NARF: variants seen among roughly 807,000 people sequenced by gnomAD.
NARF encodes nuclear prelamin A recognition factor, also known as iron-only hydrogenase-like protein 2.
NARF carries 41 observed loss-of-function variants against 48.0 expected under a neutral mutation model. The observed-to-expected ratio is 0.85, with a 90% CI of 0.66 to 1.11. The LOEUF (loss-of-function observed/expected upper bound fraction) is 1.11, where lower values mean the gene tolerates loss of function less well. Among genes scored for constraint, NARF ranks in the 50% least tolerant of loss-of-function variants. The probability of loss-of-function intolerance (pLI) is 0.00; values close to 1 mark genes in which losing one functional copy is unlikely to be tolerated. For missense variants in NARF, 613 were observed against 590.2 expected, an observed-to-expected ratio of 1.04 and a Z score of -0.40; for synonymous variants, 215 against 225.5, an observed-to-expected ratio of 0.95 and a Z score of 0.42.
At chr17:82,486,398 G>A (rs1263513982) in intron 10 of NARF, among the ~76,000 whole-genome samples, 1 of 152,188 alleles carries the variant, frequency 6.6e-6, no homozygotes, top group Non-Finnish European at 1.5e-5. Flanking sequence ...AGTTGGAGGA[G>A]CGGCTCCACT....
chr17:82,459,277 C>T (rs995790669), intron 1 of NARF: 2 of 722,680 alleles, frequency 2.8e-6, no homozygotes, highest in Non-Finnish European at 3.4e-6. Flanking sequence ...GTCTCCAGGC[C>T]ATGGCAACAA....
At chr17:82,483,440 A>G (rs962753062) in intron 7 of NARF, 1 of 400,072 alleles carries the variant, frequency 2.5e-6, no homozygotes, top group Non-Finnish European at 4.6e-6. Context: ...GATTTTCCAC[A>G]TGGGAAAATC....
In NARF at chr17:82,488,293, C is replaced by CACTTAAGAAAA; in HGVS notation, c.*136_*137insACTTAAGAAAA. 2.2e-5 allele frequency: 30 copies of CACTTAAGAAAA among 1,348,356 alleles called. No individual in the cohort carries two copies. The highest frequency in any genetic ancestry group is 2.9e-5 in the Non-Finnish European group (30 of 1,017,014). The allele number at this position is 1,348,356 out of a possible 1,614,324, so 83.5% of individuals were successfully genotyped here. ...TGGATTACTTTGGTTTCTCCGAGTT[C>CACTTAAGAAAA]CCTGCTACCCCGTTTATTGGAGGCC... On this transcript the variant is annotated 3_prime_UTR_variant, in exon 11 of 11. Coordinates refer to ENST00000309794, the MANE Select transcript of NARF (RefSeq NM_012336.4).
intron 5 of NARF, 88 bp from the exon 6 acceptor site, chr17:82,478,712 A>T: frequency 7.6e-7 from 1 of 1,318,494 alleles, no homozygotes; most frequent in Non-Finnish European, 1.1e-6. Flanking sequence ...CTGGGGCGGC[A>T]GGGACTCGAG....
chr17:82,471,731 G>A (rs2043711564), intron 4 of NARF, among the ~76,000 whole-genome samples: 1 of 140,474 alleles, frequency 7.1e-6, no homozygotes, highest in Non-Finnish European at 1.5e-5. Flanking sequence ...GGCGGAGCTT[G>A]CAGTGAGCCG....
intron 7 of NARF, chr17:82,482,883 C>T (rs549114361): frequency 1.3e-5 from 2 of 152,076 alleles, no homozygotes; most frequent in East Asian, 3.9e-4. Flanking sequence ...ACCTCCGCGC[C>T]TCCTAGGATC....
Position 82,484,935 on chromosome 17 carries a change from C to T in NARF, c.956C>T (p.Thr319Ile). 6.2e-7 allele frequency: 1 copy of T among 1,610,080 alleles called. No homozygotes were observed. The highest frequency in any genetic ancestry group is 8.5e-7 in the Non-Finnish European group (1 of 1,177,914). Reference protein sequence around the residue: ...ELFNEDVEEVTYRALRNKDFQ... With the variant: ...ELFNEDVEEVIYRALRNKDFQ... ...TTCAACGAGGATGTGGAGGAGGTCA[C>T]TTACCGAGCCCTGAGGTGTGGGGCA... Residue 319 changes from threonine (T) to isoleucine (I), a missense_variant, in exon 9 of 11, where the codon ACT (threonine) becomes ATT (isoleucine). Thr to Ile is a moderately conservative substitution (Grantham distance 89, BLOSUM62 -1). Transcript: ENST00000309794.
upstream of NARF, chr17:82,458,682 T>C: frequency 7.8e-7 from 1 of 1,283,486 alleles, no homozygotes; most frequent in Non-Finnish European, 1.0e-6. Context: ...AGCGCGGCCG[T>C]TGGGGGTGAG....
intron 10 of NARF, among the ~76,000 whole-genome samples, chr17:82,487,563 C>T (rs2044123246): frequency 6.6e-6 from 1 of 152,216 alleles, no homozygotes; most frequent in African/African-American, 2.4e-5. Context: ...TTGAGGAAGA[C>T]CCTGGCCTGT....
intron 4 of NARF, among the ~76,000 whole-genome samples, chr17:82,470,567 T>C (rs937777712): frequency 6.6e-6 from 1 of 152,152 alleles, no homozygotes; most frequent in South Asian, 2.1e-4. Context: ...CCATCTCGGC[T>C]CACTGCAAGC....
chr17:82,466,995 C>CTT (rs762291462), intron 3 of NARF, among the ~76,000 whole-genome samples: 1 of 134,686 alleles, frequency 7.4e-6, no homozygotes, highest in African/African-American at 2.7e-5. Flanking sequence ...ACCTGGCCTT[C>CTT]TTTTTTTTTT....
intron 10 of NARF, among the ~76,000 whole-genome samples, chr17:82,487,329 C>T (rs1399940845): frequency 2.6e-5 from 4 of 151,872 alleles, no homozygotes; most frequent in Non-Finnish European, 5.9e-5. Context: ...ACTAAAAATA[C>T]AAAAATTAGC....
intron 9 of NARF, 140 bp downstream of exon 9, chr17:82,485,090 C>A: frequency 8.7e-7 from 1 of 1,150,826 alleles, no homozygotes; most frequent in Non-Finnish European, 1.2e-6. Context: ...TGTGTTTATT[C>A]AGACCTTTTA....
At chr17:82,467,147 A>G (rs889096054) in intron 3 of NARF, among the ~76,000 whole-genome samples, 3 of 151,820 alleles carry the variant, frequency 2.0e-5, no homozygotes, top group Non-Finnish European at 2.9e-5. Flanking sequence ...CCTGGGTTCA[A>G]GCAGTTTTCC....
intron 10 of NARF, among the ~76,000 whole-genome samples, chr17:82,486,361 C>T (rs1290075609): frequency 3.3e-5 from 5 of 152,140 alleles, no homozygotes; most frequent in Admixed American, 3.3e-4. Context: ...CCACGAGGGA[C>T]TCGAGTGGAA....
chr17:82,470,555 C>T (rs796850184), intron 4 of NARF, among the ~76,000 whole-genome samples: 19 of 152,188 alleles, frequency 1.2e-4, no homozygotes, highest in African/African-American at 3.9e-4. Context: ...GGTGCAGTGG[C>T]GCCATCTCGG....
intron 3 of NARF, 146 bp downstream of exon 3, chr17:82,464,576 C>T (rs1224129777): frequency 3.0e-6 from 3 of 1,010,176 alleles, no homozygotes; most frequent in African/African-American, 3.3e-5. Context: ...CCTGCTTTGA[C>T]CTTCCAAACC....
At chr17:82,482,152 C>G in intron 7 of NARF, 1 of 317,418 alleles carries the variant, frequency 3.2e-6, no homozygotes, top group Non-Finnish European at 6.2e-6. Context: ...GAAAACAGGT[C>G]CCTGCAGGTA....
At chr17:82,466,507 C>T (rs1405687104) in intron 3 of NARF, among the ~76,000 whole-genome samples, 3 of 152,050 alleles carry the variant, frequency 2.0e-5, no homozygotes, top group Non-Finnish European at 4.4e-5. Flanking sequence ...GGCTGGGGTG[C>T]AGTGTCGTGA....
Sources: gnomAD v4.1 joint callset for allele counts (sites outside exome capture counted in the v4.1 genomes callset) on GRCh38, gnomAD v4.1.1 for gene constraint, MANE v1.5 for transcripts, NCBI Gene and HGNC (gene_info 2026-07-23, HGNC 2026-07-21) for gene names.